The following ADAMTSL3 variants were observed in gnomAD, a reference collection of about 807,000 sequenced individuals.
ADAMTSL3 encodes the protein ADAMTS like 3.
ADAMTSL3 carries 128 observed loss-of-function variants against 201.7 expected under a neutral mutation model. The observed-to-expected ratio is 0.63, with a 90% CI of 0.55 to 0.73. The LOEUF is 0.73. Ranked by LOEUF, ADAMTSL3 falls within the 30% of genes least tolerant of loss-of-function variation. The pLI, the probability that ADAMTSL3 is intolerant of heterozygous loss-of-function variation, is 0.00. For missense variants in ADAMTSL3, 1,990 were observed against 2,119.6 expected, an observed-to-expected ratio of 0.94 and a Z score of 1.20; for synonymous variants, 738 against 748.4, an observed-to-expected ratio of 0.99 and a Z score of 0.23.
intron 15 of ADAMTSL3, among the ~76,000 whole-genome samples, chr15:83,903,477 C>G (rs1564475): frequency 0.63 from 95,220 of 151,824 alleles, 30,952 homozygotes; most frequent in African/African-American, 0.79. Context: ...TTTTCTGTCT[C>G]TCTTTCATTC....
At chr15:83,807,563 T>C (rs771489567) in intron 5 of ADAMTSL3, among the ~76,000 whole-genome samples, 8 of 152,232 alleles carry the variant, frequency 5.3e-5, no homozygotes, top group Non-Finnish European at 8.8e-5. Flanking sequence ...CAAAGTGATA[T>C]ACAGATTTAA....
intron 15 of ADAMTSL3, among the ~76,000 whole-genome samples, chr15:83,901,333 A>ATTGT (rs1224132538): frequency 6.6e-6 from 1 of 152,040 alleles, no homozygotes; most frequent in Non-Finnish European, 1.5e-5. Context: ...AGGAAAGCTT[A>ATTGT]TTGTTCCAGA....
chr15:83,723,166 G>A (rs1052863499), intron 3 of ADAMTSL3, among the ~76,000 whole-genome samples: 9 of 152,120 alleles, frequency 5.9e-5, no homozygotes, highest in African/African-American at 1.9e-4. Context: ...TAATAGAAAA[G>A]CAAGTGACTG....
At chr15:83,993,261 G>A (rs961903311) in intron 23 of ADAMTSL3, among the ~76,000 whole-genome samples, 9 of 152,090 alleles carry the variant, frequency 5.9e-5, no homozygotes, top group African/African-American at 1.9e-4. Flanking sequence ...TGTAACCATA[G>A]GTGAGTCATA....
At chr15:83,868,208 C>CT (rs1261376262) in intron 8 of ADAMTSL3, among the ~76,000 whole-genome samples, 7 of 152,156 alleles carry the variant, frequency 4.6e-5, no homozygotes, top group Admixed American at 4.6e-4. Flanking sequence ...AGTGAAACCT[C>CT]TGAGAACCGA....
chr15:84,023,082 C>T lies in ADAMTSL3; in HGVS notation c.4457+1489C>T, dbSNP rs551810967. Among the ~76,000 whole-genome samples the T allele has an allele frequency of 1.1e-4, 16 of 152,220 alleles. No homozygotes were observed. The South Asian group carries it at 2.9e-3, about 28-fold the overall frequency. On this transcript the variant is annotated intron_variant, in intron 26 of 29. Coordinates refer to ENST00000286744, the MANE Select transcript of ADAMTSL3 (RefSeq NM_207517.3). ...TGTCTGTCTTGCTCTCCCACTAGAC[C>T]GTAAATTCTATGGGGAGTAAATCCA...
Position 83,654,922 on chromosome 15 carries a change from T to A in ADAMTSL3, c.-34+646T>A, listed in dbSNP as rs2061056497. Among the ~76,000 whole-genome samples the A allele has an allele frequency of 6.6e-6, 1 of 152,122 alleles. No individual in the cohort carries two copies. The highest frequency in any genetic ancestry group is 2.4e-5 in the African/African-American group (1 of 41,412). On this transcript the variant is annotated intron_variant, in intron 1 of 29. Coordinates refer to ENST00000286744, the MANE Select transcript of ADAMTSL3 (RefSeq NM_207517.3). This position sits in a 1 kb window ranked among gnomAD's most constrained non-coding sequence, Gnocchi z 5.3. ...CCAGGCCCTTAATGCCTTCTCCAGA[T>A]GGAGAGAAGCCACCGACCCGCCCCC...
intron 20 of ADAMTSL3, among the ~76,000 whole-genome samples, chr15:83,976,392 G>T (rs1395859525): frequency 6.6e-6 from 1 of 152,230 alleles, no homozygotes; most frequent in Non-Finnish European, 1.5e-5. Flanking sequence ...CCAGTTTCAT[G>T]GAAGACAGTT....
At chr15:83,679,158 G>T (rs1038531052) in intron 2 of ADAMTSL3, among the ~76,000 whole-genome samples, 1 of 151,652 alleles carries the variant, frequency 6.6e-6, no homozygotes, top group South Asian at 2.1e-4. Flanking sequence ...AAGATATTGC[G>T]TTTTCAGTTC....
chr15:83,971,558 CAAAAAAAAAA>C (rs68134290), intron 20 of ADAMTSL3, among the ~76,000 whole-genome samples: 1 of 63,924 alleles, frequency 1.6e-5, no homozygotes, highest in Admixed American at 2.0e-4. Flanking sequence ...GACTCTGTCT[CAAAAAAAAAA>C]AAAAAAAAAG....
chr15:83,822,198 C>T (rs1438662329), intron 6 of ADAMTSL3, among the ~76,000 whole-genome samples: 5 of 144,860 alleles, frequency 3.5e-5, no homozygotes, highest in African/African-American at 7.7e-5. Context: ...CCCTCCCGGA[C>T]GGGGTGGCTG....
At chr15:83,946,864 C>G (rs186262312) in intron 19 of ADAMTSL3, among the ~76,000 whole-genome samples, 2 of 152,276 alleles carry the variant, frequency 1.3e-5, no homozygotes, top group East Asian at 1.9e-4. Flanking sequence ...AGCCCAAACT[C>G]AAACAAGACA....
chr15:83,754,876 G>T (rs965862840), intron 3 of ADAMTSL3, among the ~76,000 whole-genome samples: 1 of 152,120 alleles, frequency 6.6e-6, no homozygotes, highest in Non-Finnish European at 1.5e-5. Context: ...GAGGAGATTG[G>T]CGTTACTATG....
chr15:83,697,836 A>G (rs2061707018), intron 2 of ADAMTSL3, among the ~76,000 whole-genome samples: 1 of 152,126 alleles, frequency 6.6e-6, no homozygotes, highest in Admixed American at 6.5e-5. Flanking sequence ...CTCTCCCTTC[A>G]CCAGAGGTTG....
chr15:83,927,815 T>G (rs1319147705), intron 17 of ADAMTSL3, among the ~76,000 whole-genome samples: 2 of 152,142 alleles, frequency 1.3e-5, no homozygotes, highest in Non-Finnish European at 2.9e-5. Flanking sequence ...GCCCACATAT[T>G]ATGCTACTAG....
At chr15:83,752,857 C>T (rs969268374) in intron 3 of ADAMTSL3, among the ~76,000 whole-genome samples, 6 of 152,104 alleles carry the variant, frequency 3.9e-5, no homozygotes, top group Non-Finnish European at 5.9e-5. Flanking sequence ...TTATAGAGAC[C>T]GTTTGCTCAT....
chr15:83,917,701 G>A (rs1309142285), intron 16 of ADAMTSL3, among the ~76,000 whole-genome samples: 1 of 152,026 alleles, frequency 6.6e-6, no homozygotes, highest in East Asian at 1.9e-4. Context: ...CACAGGCTAG[G>A]AGTATATATA....
At chr15:83,783,215 G>A (rs2063205354) in intron 4 of ADAMTSL3, among the ~76,000 whole-genome samples, 1 of 151,362 alleles carries the variant, frequency 6.6e-6, no homozygotes, top group South Asian at 2.1e-4. Context: ...TAAAAGTCTG[G>A]GATGCACGTT....
intron 3 of ADAMTSL3, among the ~76,000 whole-genome samples, chr15:83,739,215 A>T (rs1372881779): frequency 1.3e-5 from 2 of 151,920 alleles, no homozygotes; most frequent in Non-Finnish European, 2.9e-5. Flanking sequence ...AAATAAATGG[A>T]TGGTAAAACA....
Sources: allele counts gnomAD v4.1 joint callset (sites outside exome capture counted in the v4.1 genomes callset), GRCh38; gene constraint gnomAD v4.1.1; non-coding constraint Gnocchi (gnomAD v3.1); transcripts MANE v1.5; gene names NCBI Gene and HGNC (gene_info 2026-07-23, HGNC 2026-07-21).